PLRG1: variants seen among roughly 807,000 people sequenced by gnomAD.
PLRG1 encodes pleiotropic regulator 1 (PRL1 homolog, Arabidopsis).
Under a neutral mutation model 74.9 loss-of-function variants are expected in PLRG1, and 28 were observed. That is an observed-to-expected ratio of 0.37 (90% CI 0.28 to 0.51). PLRG1 has a LOEUF of 0.51. PLRG1 is among the 20% of genes least tolerant of loss of function. PLRG1 has a pLI of 0.91. For missense variants in PLRG1, 445 were observed against 631.9 expected (o/e 0.70, Z 3.17); for synonymous variants, 197 against 212.4 (o/e 0.93, Z 0.63).
chr4:154,547,482 A>G, intron 3 of PLRG1: 1 of 560,906 alleles, frequency 1.8e-6, no homozygotes, highest in African/African-American at 1.9e-5. Flanking sequence ...CCTTCTCCAC[A>G]CTCTAAGAAT....
chr4:154,547,457 TA>T (rs981153956), intron 3 of PLRG1: 3 of 526,688 alleles, frequency 5.7e-6, no homozygotes, highest in African/African-American at 1.9e-5. Context: ...TTTTTTCCTT[TA>T]ATCTCTACTG....
chr4:154,546,939 T>C, intron 4 of PLRG1, 72 bp downstream of exon 4: 1 of 1,117,538 alleles, frequency 8.9e-7, no homozygotes, highest in Non-Finnish European at 1.4e-6. Context: ...AACAAGAATC[T>C]CATTATTGGC....
rs1729743939 is a variant in PLRG1 at position 154,550,378 on chromosome 4, G to C, written c.-70C>G. On this transcript the variant is annotated 5_prime_UTR_variant, in exon 1 of 15. Coordinates refer to ENST00000499023, the MANE Select transcript of PLRG1 (RefSeq NM_002669.4). ...CACTAACGCAGTACCCGCCGCCACA[G>C]CTGTGCAGCACCTTCCGGAATTGGG... is the stretch of plus-strand genomic sequence containing the variant. 3 of 1,461,554 alleles carry C rather than the reference G, an allele frequency of 2.1e-6. No homozygotes were observed. The highest frequency in any genetic ancestry group is 3.5e-4 in the Middle Eastern group (2 of 5,732). The allele number at this position is 1,461,554 out of a possible 1,614,324, so 90.5% of individuals were successfully genotyped here. A position where few individuals can be genotyped will look rare whatever the true frequency, so the allele number is the denominator to read the frequency against.
intron 7 of PLRG1, among the ~76,000 whole-genome samples, chr4:154,542,927 A>C (rs1412688279): frequency 6.6e-6 from 1 of 152,222 alleles, no homozygotes; most frequent in African/African-American, 2.4e-5. Flanking sequence ...GTACAAAAAT[A>C]GATAAAGGGA....
At chr4:154,547,670 T>C in intron 3 of PLRG1, 41 bp downstream of exon 3, 1 of 1,574,984 alleles carries the variant, frequency 6.3e-7, no homozygotes, top group African/African-American at 1.4e-5. Flanking sequence ...GTTTTTAAAA[T>C]TCACATATAA....
chr4:154,543,615 T>C (rs1729593961), intron 7 of PLRG1, among the ~76,000 whole-genome samples: 1 of 152,134 alleles, frequency 6.6e-6, no homozygotes, highest in Admixed American at 6.5e-5. Context: ...TGAAGGAAAG[T>C]GTAACTACAA....
intron 7 of PLRG1, among the ~76,000 whole-genome samples, chr4:154,542,807 CT>C (rs11303940): frequency 0.29 from 43,362 of 152,038 alleles, 6,438 homozygotes; most frequent in Middle Eastern, 0.37. Context: ...TGCGTGCTCT[CT>C]CTCATATACG....
At chr4:154,539,276 TA>T in intron 11 of PLRG1, 63 bp from the exon 12 acceptor site, 1 of 964,052 alleles carries the variant, frequency 1.0e-6, no homozygotes, top group Non-Finnish European at 1.7e-6. Flanking sequence ...AAAAGTTAAA[TA>T]AAATACAAAG....
chr4:154,546,962 A>C, intron 4 of PLRG1, 49 bp downstream of exon 4: 1 of 1,336,050 alleles, frequency 7.5e-7, no homozygotes. Context: ...GTTAGTGAAA[A>C]TATATGTGAC....
chr4:154,547,635 CA>C, intron 3 of PLRG1, 75 bp downstream of exon 3: 2 of 1,363,996 alleles, frequency 1.5e-6, no homozygotes, highest in South Asian at 1.2e-5. Context: ...CCAGGAGGGG[CA>C]AAAATAACAT....
In PLRG1 at chr4:154,547,606, A is replaced by G. The variant is rs1729681604; in HGVS notation, c.259+105T>C. On this transcript the variant is annotated intron_variant, in intron 3 of 14. Transcript: ENST00000499023. ...TACAGGTACGGCCATTAAATACTGT[A>G]CGACCACAATAAGTCCTGCCAGGAG... The G allele has an allele frequency of 1.6e-5, 16 of 981,688 alleles. No individual in the cohort carries two copies. The South Asian group carries it at 1.6e-4, about 10-fold the overall frequency. The allele number at this position is 981,688 out of a possible 1,614,324, so 60.8% of individuals were successfully genotyped here. A position where few individuals can be genotyped will look rare whatever the true frequency, so the allele number is the denominator to read the frequency against.
intron 7 of PLRG1, among the ~76,000 whole-genome samples, chr4:154,542,610 A>G (rs913750137): frequency 6.6e-6 from 1 of 152,264 alleles, no homozygotes; most frequent in Non-Finnish European, 1.5e-5. Flanking sequence ...ACATAGTCAA[A>G]AAGACACAGC....
In PLRG1 at chr4:154,540,703, C is replaced by T; in HGVS notation, c.838-8G>A. ...ATGATAATGCCGTATAACCTAAAGA[C>T]AAAGCAGGAAAGTTAAAACTTCTAG... On this transcript the variant is annotated splice_polypyrimidine_tract_variant and splice_region_variant and intron_variant, in intron 9 of 14. Transcript: ENST00000499023. 6.2e-7 allele frequency: 1 copy of T among 1,612,070 alleles called. No homozygotes were observed. Among genetic ancestry groups the T allele is most frequent in the African/African-American group, 1.3e-5 (1 of 74,978 alleles).
rs773609452 is a variant in PLRG1, at chr4:154,540,021, G to T, written c.972C>A (p.His324Gln). The change falls in exon 11 of 15, where the codon CAC (histidine) becomes CAA (glutamine). Residue 324 changes from histidine (H) to glutamine (Q), a missense_variant. By Grantham distance (24) the His-to-Gln change is conservative (BLOSUM62 0). This residue lies in a region of PLRG1 where 221 missense variants were observed against 377.7 expected (regional missense o/e 0.59). Transcript: ENST00000499023. ...IWDVRTKASV[H>Q]TLSGHTNAVA... The stretch of plus-strand genomic sequence containing the variant: ...CTGCATTTGTATGTCCAGATAATGT[G>T]TGTACACTGGCTTTAGTTCTCACAT... 1 of 1,598,392 alleles carries T rather than the reference G, an allele frequency of 6.3e-7. No homozygotes were observed. Among genetic ancestry groups the T allele is most frequent in the Non-Finnish European group, 8.6e-7 (1 of 1,165,840 alleles).
At chr4:154,545,986 C>T in intron 5 of PLRG1, 63 bp from the exon 6 acceptor site, 1 of 1,169,966 alleles carries the variant, frequency 8.5e-7, no homozygotes, top group Non-Finnish European at 1.2e-6. Flanking sequence ...TTCTGCAAAA[C>T]TAACCCTTTA....
intron 6 of PLRG1, 71 bp from the exon 7 acceptor site, chr4:154,544,617 T>C: frequency 1.3e-6 from 1 of 798,558 alleles, no homozygotes; most frequent in Non-Finnish European, 2.1e-6. Context: ...AATTCAGAAA[T>C]GGAAATGGAA....
chr4:154,540,179 C>T, intron 10 of PLRG1, 126 bp from the exon 11 acceptor site: 1 of 625,746 alleles, frequency 1.6e-6, no homozygotes. Flanking sequence ...AAAGAAAATG[C>T]TTAAGTGAAA....
rs77339158 is a variant in PLRG1 at position 154,550,342 on chromosome 4, G to A, written c.-34C>T. On this transcript the variant is annotated 5_prime_UTR_variant, in exon 1 of 15. Transcript: ENST00000499023. ...CGTGTATCCCACCTCCGGCAGGGAA[G>A]AAACTCTAATCACTAACGCAGTACC... 8,483 of 1,608,524 alleles carry A rather than the reference G, an allele frequency of 5.3e-3. 401 individuals are homozygous for A. In the African/African-American group the frequency reaches 0.096, roughly 18 times the overall value.
chr4:154,539,557 T>G (rs111411824), intron 11 of PLRG1, among the ~76,000 whole-genome samples: 3,943 of 152,178 alleles, frequency 0.026, 156 homozygotes, highest in African/African-American at 0.089. Context: ...TTTCTAGTAT[T>G]AAAGATCCAT....
Sources: gnomAD v4.1 joint callset for allele counts (sites outside exome capture counted in the v4.1 genomes callset) on GRCh38, gnomAD v4.1.1 for gene constraint, gnomAD v4.1.1 regional missense constraint, MANE v1.5 for transcripts, NCBI Gene and HGNC (gene_info 2026-07-23, HGNC 2026-07-21) for gene names.